The following RBFOX3 variants were observed in gnomAD, a reference collection of about 807,000 sequenced individuals.
RBFOX3 encodes the protein RNA binding fox-1 homolog 3.
A neutral mutation model predicts 48.7 loss-of-function variants in RBFOX3; 17 were observed. The ratio of observed to expected loss-of-function variants is 0.35; its 90% CI spans 0.24 to 0.52. The LOEUF (loss-of-function observed/expected upper bound fraction) is 0.52. Among genes scored for constraint, RBFOX3 ranks in the 20% least tolerant of loss-of-function variants. RBFOX3 has a pLI of 0.94. For synonymous variants in RBFOX3, 212 were observed against 209.5 expected (o/e 1.01, Z -0.10); for missense variants, 382 against 497.5 (o/e 0.77, Z 2.21).
chr17:79,618,921 A>G, the RBFOX3 span, among the ~76,000 whole-genome samples: 1 of 152,148 alleles, frequency 6.6e-6, no homozygotes, highest in Non-Finnish European at 1.5e-5. Flanking sequence ...AAGCCGGGAA[A>G]TGGAACTGGG....
In RBFOX3 at chr17:79,251,170, C is replaced by G. The variant is rs1466925549; in HGVS notation, c.-73-15365G>C. Reference sequence around the variant, plus strand: ...CCTTCTCCCTTGTCCCCTTCTGGTCCTAGCCACACACCCTGGATGCTGTCT... The same window carrying G: ...CCTTCTCCCTTGTCCCCTTCTGGTCGTAGCCACACACCCTGGATGCTGTCT... On this transcript the variant is annotated intron_variant, in intron 3 of 14. Coordinates refer to ENST00000693108, the MANE Select transcript of RBFOX3 (RefSeq NM_001350451.2). Among the ~76,000 whole-genome samples the G allele has an allele frequency of 9.9e-5, 15 of 152,224 alleles. No individual in the cohort carries two copies. The South Asian group carries it at 2.3e-3, about 23-fold the overall frequency.
chr17:79,493,155 G>T (rs2080947039), intron 1 of RBFOX3, among the ~76,000 whole-genome samples: 1 of 151,986 alleles, frequency 6.6e-6, no homozygotes, highest in Admixed American at 6.5e-5. Context: ...CACACGGCAA[G>T]AGGGGAGATG....
At chr17:79,218,588 C>T (rs980587983) in intron 4 of RBFOX3, among the ~76,000 whole-genome samples, 1 of 152,112 alleles carries the variant, frequency 6.6e-6, no homozygotes, top group Non-Finnish European at 1.5e-5. Flanking sequence ...CAGACCCTAA[C>T]CAGAGACGGA....
intron 4 of RBFOX3, among the ~76,000 whole-genome samples, chr17:79,138,652 T>C (rs113911612): frequency 0.02 from 318 of 15,908 alleles, no homozygotes; most frequent in Middle Eastern, 0.067. Flanking sequence ...CACACGCACA[T>C]ACACAGCACA....
intron 3 of RBFOX3, among the ~76,000 whole-genome samples, chr17:79,306,573 G>T (rs2076135107): frequency 6.6e-6 from 1 of 152,204 alleles, no homozygotes; most frequent in Non-Finnish European, 1.5e-5. Context: ...AGAGGATGAG[G>T]GTGGGGTCTT....
chr17:79,210,076 A>G (rs1043511069), intron 4 of RBFOX3, among the ~76,000 whole-genome samples: 7 of 152,056 alleles, frequency 4.6e-5, no homozygotes, highest in African/African-American at 1.4e-4. Flanking sequence ...TCCTGCAAAA[A>G]CAACAGACAC....
chr17:79,603,310 C>T lies in RBFOX3; in HGVS notation c.-320+7516G>A, dbSNP rs1263056877. Among the ~76,000 whole-genome samples the T allele has an allele frequency of 3.9e-5, 6 of 152,214 alleles. 1 individual carries two copies. The highest frequency in any genetic ancestry group is 1.4e-4 in the African/African-American group (6 of 41,556). ...CCTGGCCTCCTTGTGGTACTCTTGA[C>T]ACCCCGCTGGCAGTGGAGGCATGGG... On this transcript the variant is annotated intron_variant, in intron 1 of 14. Transcript: ENST00000693108.
intron 4 of RBFOX3, among the ~76,000 whole-genome samples, chr17:79,145,605 G>C (rs575891576): frequency 3.3e-5 from 5 of 152,336 alleles, no homozygotes; most frequent in African/African-American, 9.6e-5. Flanking sequence ...TGGGGGCGCA[G>C]AGGCCTGCTG....
At position 79,238,382 on chromosome 17, in the gene RBFOX3, C is replaced by T. The variant is rs140524182; in HGVS notation, c.-73-2577G>A. Reference sequence around the variant, plus strand: ...CCAGGTCCAGAGCCTTGGAAGGGTACGTCTGTGGCTCTGCTGGAGGCAGGC... The same window carrying T: ...CCAGGTCCAGAGCCTTGGAAGGGTATGTCTGTGGCTCTGCTGGAGGCAGGC... On this transcript the variant is annotated intron_variant, in intron 3 of 14. Transcript: ENST00000693108. Among the ~76,000 whole-genome samples the T allele has an allele frequency of 1.8e-4, 27 of 152,346 alleles. No homozygotes were observed. The East Asian group carries it at 4.6e-3, about 26-fold the overall frequency.
chr17:79,108,531 C>T (rs780379470), intron 5 of RBFOX3, among the ~76,000 whole-genome samples: 3 of 152,182 alleles, frequency 2.0e-5, no homozygotes, highest in Non-Finnish European at 2.9e-5. Context: ...CTGGAGGCCT[C>T]GGCCCACGGC....
At chr17:79,229,102 G>A (rs544912047) in intron 4 of RBFOX3, among the ~76,000 whole-genome samples, 273 of 151,022 alleles carry the variant, frequency 1.8e-3, no homozygotes, top group Non-Finnish European at 3.4e-3. Context: ...GGTGGCATAC[G>A]CCTGTAATCC....
In RBFOX3 at chr17:79,198,921, A is replaced by C. The variant is rs2056257124; in HGVS notation, c.-34+36845T>G. On this transcript the variant is annotated intron_variant, in intron 4 of 14. Transcript: ENST00000693108. This position sits in a 1 kb window ranked among gnomAD's most constrained non-coding sequence, Gnocchi z 8.2. ...TGGGATTACAGGTGTGAGCCACTGC[A>C]CCTGGCCGAGCTTTTTGATGCCTAA... Among the ~76,000 whole-genome samples the C allele has an allele frequency of 6.6e-6, 1 of 152,114 alleles. No homozygotes were observed. Among genetic ancestry groups the C allele is most frequent in the African/African-American group, 2.4e-5 (1 of 41,408 alleles).
chr17:79,373,774 C>A (rs1297187583), intron 2 of RBFOX3, among the ~76,000 whole-genome samples: 1 of 152,220 alleles, frequency 6.6e-6, no homozygotes, highest in Non-Finnish European at 1.5e-5. Context: ...TGGAAGGACA[C>A]AACCTCCTTC....
intron 1 of RBFOX3, among the ~76,000 whole-genome samples, chr17:79,484,761 G>C (rs2079312490): frequency 6.6e-6 from 1 of 152,138 alleles, no homozygotes; most frequent in Non-Finnish European, 1.5e-5. Context: ...GCAAGGGCTA[G>C]AACTCACACT....
intron 3 of RBFOX3, among the ~76,000 whole-genome samples, chr17:79,271,557 G>A (rs1355373774): frequency 6.6e-6 from 1 of 152,154 alleles, no homozygotes; most frequent in African/African-American, 2.4e-5. Context: ...AGGCATGCTG[G>A]AGCCCTCTCT....
intron 4 of RBFOX3, among the ~76,000 whole-genome samples, chr17:79,162,735 G>A (rs550091188): frequency 6.6e-6 from 1 of 151,112 alleles, no homozygotes; most frequent in Non-Finnish European, 1.5e-5. Flanking sequence ...GCCCTCGGGT[G>A]TTGTGGGTGG....
chr17:79,132,876 G>A (rs1175413369), intron 4 of RBFOX3: 6 of 152,348 alleles, frequency 3.9e-5, no homozygotes, highest in Admixed American at 3.3e-4. Flanking sequence ...CTGGGAGCAG[G>A]AACCCTCTTC....
At chr17:79,403,774 T>C (rs1176566576) in intron 2 of RBFOX3, among the ~76,000 whole-genome samples, 1 of 129,458 alleles carries the variant, frequency 7.7e-6, no homozygotes, top group East Asian at 2.2e-4. Flanking sequence ...CTCCCAGATG[T>C]TCTTTTTCTT....
At chr17:79,246,041 C>T (rs993706734) in intron 3 of RBFOX3, among the ~76,000 whole-genome samples, 4 of 150,714 alleles carry the variant, frequency 2.7e-5, no homozygotes, top group African/African-American at 9.7e-5. Flanking sequence ...GTTGCTCAAC[C>T]TTACTGGTTG....
Sources: gnomAD v4.1 joint callset for allele counts (sites outside exome capture counted in the v4.1 genomes callset) on GRCh38, gnomAD v4.1.1 for gene constraint, Gnocchi (gnomAD v3.1) non-coding constraint, MANE v1.5 for transcripts, NCBI Gene and HGNC (gene_info 2026-07-23, HGNC 2026-07-21) for gene names.